DPP10: variants seen among roughly 807,000 people sequenced by gnomAD.
The protein encoded by DPP10 is inactive dipeptidyl peptidase 10.
In DPP10, 33 loss-of-function variants were observed where a neutral mutation model predicts 120.9. The observed-to-expected ratio is 0.27, with a 90% CI of 0.21 to 0.37. DPP10 has a LOEUF of 0.37. Ranked by LOEUF, DPP10 falls within the 10% of genes least tolerant of loss-of-function variation. The pLI is 1.00. For synonymous variants in DPP10, 337 were observed against 326.1 expected, an observed-to-expected ratio of 1.03 and a Z score of -0.36; for missense variants, 816 against 942.8, an observed-to-expected ratio of 0.87 and a Z score of 1.76.
chr2:115,185,244 TC>T (rs1274894465), intron 1 of DPP10, among the ~76,000 whole-genome samples: 1 of 62,980 alleles, frequency 1.6e-5, no homozygotes, highest in East Asian at 8.1e-4. Context: ...GTTTTTTGTT[TC>T]TTTTTTTTTT....
At chr2:114,658,594 C>T (rs1365364609) in intron 1 of DPP10, among the ~76,000 whole-genome samples, 4 of 152,068 alleles carry the variant, frequency 2.6e-5, no homozygotes, top group Admixed American at 6.5e-5. Context: ...TCAGTATCTT[C>T]AGTTTTGTTT....
chr2:115,162,143 C>G (rs150023622), intron 1 of DPP10: 50 of 1,515,602 alleles, frequency 3.3e-5, no homozygotes, highest in Admixed American at 6.0e-5. Flanking sequence ...TCACCCTCCC[C>G]CGCCCCGCCC....
rs1696031555 is a variant in DPP10, at chr2:114,931,036, C to A, written c.61-378203C>A. On this transcript the variant is annotated intron_variant, in intron 1 of 25. Coordinates refer to ENST00000410059, the MANE Select transcript of DPP10 (RefSeq NM_020868.6). The stretch of plus-strand genomic sequence containing the variant: ...AGGTGAAATCTCCAAACTATACCAA[C>A]CACTTAATGAATCTCTAAGAAGTTT... 2.0e-5 allele frequency among the ~76,000 whole-genome samples: 3 copies of A among 152,170 alleles called. No individual in the cohort carries two copies. The South Asian group carries it at 6.2e-4, about 32-fold the overall frequency.
chr2:115,216,740 G>C (rs965143701), intron 1 of DPP10, among the ~76,000 whole-genome samples: 1 of 152,004 alleles, frequency 6.6e-6, no homozygotes, highest in East Asian at 1.9e-4. Flanking sequence ...AGCCCGGATC[G>C]TGCCATGGCA....
At chr2:115,248,519 CCTG>C (rs2058628922) in intron 1 of DPP10, among the ~76,000 whole-genome samples, 2 of 152,090 alleles carry the variant, frequency 1.3e-5, no homozygotes, top group South Asian at 4.2e-4. Flanking sequence ...ATTGGAGTAA[CCTG>C]CTGCTACGTT....
chr2:115,344,940 A>G (rs1287961536), intron 3 of DPP10, among the ~76,000 whole-genome samples: 1 of 152,154 alleles, frequency 6.6e-6, no homozygotes, highest in Non-Finnish European at 1.5e-5. Context: ...CTCTTACTCT[A>G]CTTAAGTGTA....
chr2:114,767,589 C>A (rs1297448546), intron 1 of DPP10, among the ~76,000 whole-genome samples: 4 of 151,936 alleles, frequency 2.6e-5, no homozygotes, highest in Non-Finnish European at 4.4e-5. Context: ...ACATAAAAAG[C>A]CAAATCATTT....
intron 1 of DPP10, among the ~76,000 whole-genome samples, chr2:114,969,616 A>G (rs1025122146): frequency 1.3e-5 from 2 of 152,138 alleles, no homozygotes; most frequent in African/African-American, 4.8e-5. Flanking sequence ...TCCTTGGCAC[A>G]TGCTAGACTG....
At chr2:114,537,117 G>A (rs1206875677) in intron 1 of DPP10, among the ~76,000 whole-genome samples, 1 of 152,154 alleles carries the variant, frequency 6.6e-6, no homozygotes, top group Non-Finnish European at 1.5e-5. Context: ...CTAAATAACT[G>A]TACCACATGC....
intron 1 of DPP10, among the ~76,000 whole-genome samples, chr2:114,474,751 C>T (rs910739088): frequency 1.3e-5 from 2 of 152,210 alleles, no homozygotes; most frequent in African/African-American, 4.8e-5. Context: ...GAGAAACACA[C>T]CCATTACTGA....
chr2:115,330,473 C>T (rs2062653891), intron 2 of DPP10, among the ~76,000 whole-genome samples: 1 of 151,632 alleles, frequency 6.6e-6, no homozygotes, highest in Non-Finnish European at 1.5e-5. Flanking sequence ...CTTTTGTTGC[C>T]ATTGCTTTTG....
chr2:115,216,553 G>A (rs2056831752), intron 1 of DPP10, among the ~76,000 whole-genome samples: 1 of 152,132 alleles, frequency 6.6e-6, no homozygotes, highest in Non-Finnish European at 1.5e-5. Context: ...GGAGGCCGAG[G>A]CAGGTGGATC....
intron 7 of DPP10, among the ~76,000 whole-genome samples, chr2:115,703,488 G>A (rs1180560290): frequency 6.6e-6 from 1 of 152,020 alleles, no homozygotes; most frequent in East Asian, 1.9e-4. Flanking sequence ...CAGACCAGCA[G>A]GCTGGACAAG....
intron 1 of DPP10, among the ~76,000 whole-genome samples, chr2:114,542,684 TTA>T (rs765106415): frequency 6.6e-6 from 1 of 152,198 alleles, no homozygotes; most frequent in Non-Finnish European, 1.5e-5. Context: ...ACAAGCTTTC[TTA>T]TCTGTAAGGT....
intron 1 of DPP10, among the ~76,000 whole-genome samples, chr2:115,272,279 A>T (rs1044485659): frequency 1.3e-5 from 2 of 152,222 alleles, no homozygotes; most frequent in African/African-American, 4.8e-5. Flanking sequence ...ATATTGTTAG[A>T]CTGACACAAA....
intron 1 of DPP10, among the ~76,000 whole-genome samples, chr2:115,229,524 G>A (rs1305335945): frequency 6.6e-6 from 1 of 152,070 alleles, no homozygotes. Context: ...TGAGGTCTTA[G>A]ATTTTAGTCT....
At chr2:114,518,497 G>A (rs1231294760) in intron 1 of DPP10, among the ~76,000 whole-genome samples, 1 of 152,194 alleles carries the variant, frequency 6.6e-6, no homozygotes, top group African/African-American at 2.4e-5. Context: ...GATTAAGACT[G>A]TGAAGACAGA....
At chr2:115,120,739 A>G (rs1176191229) in intron 1 of DPP10, among the ~76,000 whole-genome samples, 2 of 152,210 alleles carry the variant, frequency 1.3e-5, no homozygotes, top group African/African-American at 4.8e-5. Context: ...CACCTACAAC[A>G]TACTTGGATG....
intron 1 of DPP10, among the ~76,000 whole-genome samples, chr2:115,095,729 A>G (rs534322332): frequency 2.8e-4 from 43 of 152,026 alleles, no homozygotes; most frequent in Non-Finnish European, 4.6e-4. Flanking sequence ...TTAAATACAC[A>G]TGAGCAATGG....
Sources: allele counts gnomAD v4.1 joint callset (sites outside exome capture counted in the v4.1 genomes callset), GRCh38; gene constraint gnomAD v4.1.1; transcripts MANE v1.5; gene names NCBI Gene and HGNC (gene_info 2026-07-23, HGNC 2026-07-21).